Variants in CUBN observed in about 807,000 individuals in gnomAD.
The protein encoded by CUBN is cubilin.
In CUBN, 282 loss-of-function variants were observed where a neutral mutation model predicts 405.3. That is an observed-to-expected ratio of 0.70 (90% CI 0.63 to 0.77). CUBN has a LOEUF of 0.77. CUBN is among the 30% of genes least tolerant of loss of function. The pLI, the probability that CUBN is intolerant of heterozygous loss-of-function variation, is 0.00. For synonymous variants in CUBN, 1,684 were observed against 1,617.0 expected (o/e 1.04, Z -0.99); for missense variants, 4,514 against 4,475.2 (o/e 1.01, Z -0.25).
At chr10:16,972,996 C>T (rs41335345) in intron 31 of CUBN, among the ~76,000 whole-genome samples, 17,602 of 152,208 alleles carry the variant, frequency 0.12, 1,238 homozygotes, top group Non-Finnish European at 0.16. Context: ...CCTGTTGTCA[C>T]TGTAGAATAC....
chr10:17,085,262 G>T (rs983225784), intron 16 of CUBN, among the ~76,000 whole-genome samples: 3 of 152,170 alleles, frequency 2.0e-5, no homozygotes, highest in Non-Finnish European at 4.4e-5. Context: ...AATCCAGAGA[G>T]ACTGCACTGC....
intron 29 of CUBN, among the ~76,000 whole-genome samples, chr10:16,987,886 A>G (rs1380186811): frequency 1.3e-5 from 2 of 152,178 alleles, no homozygotes; most frequent in Non-Finnish European, 2.9e-5. Flanking sequence ...CTTTCCCCAA[A>G]TATTTAAGAG....
chr10:17,114,831 C>T (rs1836851894), intron 7 of CUBN, among the ~76,000 whole-genome samples: 1 of 152,164 alleles, frequency 6.6e-6, no homozygotes, highest in Admixed American at 6.5e-5. Flanking sequence ...TCCTTGAAAC[C>T]ACATGTTGCC....
At chr10:16,900,203 C>T (rs1367153310) in intron 53 of CUBN, among the ~76,000 whole-genome samples, 1 of 152,196 alleles carries the variant, frequency 6.6e-6, no homozygotes, top group Non-Finnish European at 1.5e-5. Flanking sequence ...CTGCCCTCAG[C>T]TCACCACTCA....
intron 58 of CUBN, among the ~76,000 whole-genome samples, chr10:16,871,464 A>T (rs1453393006): frequency 6.6e-6 from 1 of 150,808 alleles, no homozygotes; most frequent in African/African-American, 2.4e-5. Context: ...TCCTTTCAAC[A>T]GCCTTGAGAA....
chr10:16,840,565 G>A (rs750304590), intron 61 of CUBN, 30 bp from the exon 62 acceptor site: 24 of 1,513,534 alleles, frequency 1.6e-5, no homozygotes, highest in Non-Finnish European at 2.1e-5. Context: ...CAACACAGGA[G>A]ACATTTTATT....
At position 17,104,466 on chromosome 10, in the gene CUBN, T is replaced by A. The variant is rs1371253901; in HGVS notation, c.1370A>T (p.Glu457Val). Reference protein sequence around the residue: ...CVDGVDSFSCECTRLWTGALC... With the variant: ...CVDGVDSFSCVCTRLWTGALC... ...AGCTCCAGTCCAGAGACGTGTGCAT[T>A]CACAACTGAAAGAATCAACGCCATC... Residue 457 changes from glutamate to valine, a missense_variant, in exon 12 of 67, where the codon GAA becomes GTA. Physicochemically the swap from Glu to Val is moderately radical, Grantham distance 121 (BLOSUM62 -2). Coordinates refer to ENST00000377833, the MANE Select transcript of CUBN (RefSeq NM_001081.4). 6.2e-7 allele frequency: 1 copy of A among 1,613,898 alleles called. No homozygotes were observed. Among genetic ancestry groups the A allele is most frequent in the Non-Finnish European group, 8.5e-7 (1 of 1,180,006 alleles).
rs144498251 is a variant in CUBN at position 16,890,153 on chromosome 10, C to A, written c.8755+218G>T. Reference sequence around the variant, plus strand: ...TCTGGATGCCAGGCTTATTTCTAGACGTTGGTTAGTGCCCCTCATGGCTTT... The same window carrying A: ...TCTGGATGCCAGGCTTATTTCTAGAAGTTGGTTAGTGCCCCTCATGGCTTT... On this transcript the variant is annotated intron_variant, in intron 55 of 66. Coordinates refer to ENST00000377833, the MANE Select transcript of CUBN (RefSeq NM_001081.4). Among the ~76,000 whole-genome samples, 128 of 152,224 alleles carry A rather than the reference C, an allele frequency of 8.4e-4. 1 individual carries two copies. The highest frequency in any genetic ancestry group is 1.6e-3 in the Non-Finnish European group (110 of 68,008).
chr10:16,869,918 C>T (rs1840301879), intron 58 of CUBN, 65 bp from the exon 59 acceptor site: 2 of 1,206,952 alleles, frequency 1.7e-6, no homozygotes, highest in Admixed American at 1.9e-5. Flanking sequence ...GTAGCTTTAG[C>T]TCTTGCAAAA....
chr10:17,040,092 G>C (rs1042409544), intron 27 of CUBN, among the ~76,000 whole-genome samples: 1 of 152,124 alleles, frequency 6.6e-6, no homozygotes, highest in South Asian at 2.1e-4. Flanking sequence ...TATGACCCCA[G>C]AGTTGCCAGC....
intron 30 of CUBN, among the ~76,000 whole-genome samples, chr10:16,983,289 T>C (rs766397533): frequency 3.3e-5 from 5 of 152,176 alleles, no homozygotes; most frequent in Non-Finnish European, 7.3e-5. Context: ...TGTGTGTGTG[T>C]TTATTTAAAT....
At chr10:16,909,459 C>T (rs961684573) in intron 48 of CUBN, among the ~76,000 whole-genome samples, 7 of 152,172 alleles carry the variant, frequency 4.6e-5, no homozygotes, top group Non-Finnish European at 8.8e-5. Flanking sequence ...TTCAAACCAT[C>T]CCTCTGATTC....
At chr10:16,970,327 T>C (rs1251772998) in intron 31 of CUBN, among the ~76,000 whole-genome samples, 1 of 152,212 alleles carries the variant, frequency 6.6e-6, no homozygotes, top group Non-Finnish European at 1.5e-5. Context: ...CATTCACACC[T>C]GTAATCAGAG....
At chr10:16,977,071 T>G (rs1479790213) in intron 31 of CUBN, among the ~76,000 whole-genome samples, 1 of 152,222 alleles carries the variant, frequency 6.6e-6, no homozygotes, top group Admixed American at 6.5e-5. Context: ...GTTTCTATTG[T>G]CTCTTACTCA....
chr10:16,828,654 G>A, intron 66 of CUBN, 151 bp downstream of exon 66: 1 of 674,082 alleles, frequency 1.5e-6, no homozygotes. Flanking sequence ...GGAGGCGGAG[G>A]TTGCAGTGAG....
intron 60 of CUBN, among the ~76,000 whole-genome samples, chr10:16,848,690 C>CTTTTTTTTTTTTTTTTTTTTTT (rs10562297): frequency 5.6e-5 from 3 of 53,338 alleles, no homozygotes; most frequent in African/African-American, 1.8e-4. Context: ...CTCTCCCAGC[C>CTTTTTTTTTTTTTTTTTTTTTT]TTTTTTTTTT....
At chr10:17,102,676 T>C (rs7901793) in intron 13 of CUBN, among the ~76,000 whole-genome samples, 141,286 of 147,224 alleles carry the variant, frequency 0.96, 67,821 homozygotes, top group African/African-American at 0.99. Context: ...GCACTGTCTC[T>C]GCTCACTACA....
chr10:17,104,097 A>G (rs1437867544), intron 12 of CUBN, among the ~76,000 whole-genome samples: 6 of 152,214 alleles, frequency 3.9e-5, no homozygotes, highest in Non-Finnish European at 8.8e-5. Flanking sequence ...TAGGGAAATT[A>G]AGTGGCTGCT....
intron 22 of CUBN, among the ~76,000 whole-genome samples, chr10:17,051,494 T>C (rs1204512099): frequency 6.6e-6 from 1 of 152,048 alleles, no homozygotes; most frequent in Non-Finnish European, 1.5e-5. Flanking sequence ...AGGTGTTAGA[T>C]TTAAAAGAGA....
Sources: allele counts gnomAD v4.1 joint callset (sites outside exome capture counted in the v4.1 genomes callset), GRCh38; gene constraint gnomAD v4.1.1; transcripts MANE v1.5; gene names NCBI Gene and HGNC (gene_info 2026-07-23, HGNC 2026-07-21).